The following NPHP3 variants were observed in gnomAD, a reference collection of about 807,000 sequenced individuals.
The protein encoded by NPHP3 is nephrocystin 3.
Under a neutral mutation model 171.9 loss-of-function variants are expected in NPHP3, and 123 were observed. The ratio of observed to expected loss-of-function variants is 0.72; its 90% CI spans 0.62 to 0.83. The LOEUF (loss-of-function observed/expected upper bound fraction) is 0.83, where lower values mean the gene tolerates loss of function less well. Among genes scored for constraint, NPHP3 ranks in the 40% least tolerant of loss-of-function variants. NPHP3 has a pLI of 0.00. For missense variants in NPHP3, 1,506 were observed against 1,591.9 expected, an observed-to-expected ratio of 0.95 and a Z score of 0.92; for synonymous variants, 558 against 579.2, an observed-to-expected ratio of 0.96 and a Z score of 0.52.
intron 13 of NPHP3, among the ~76,000 whole-genome samples, chr3:132,699,121 G>C (rs1939535996): frequency 6.6e-6 from 1 of 152,140 alleles, no homozygotes; most frequent in Non-Finnish European, 1.5e-5. Context: ...TCAAACTGCT[G>C]GCCTCAAGTG....
chr3:132,689,166 T>TC lies in NPHP3; in HGVS notation c.2790dup (p.Lys931GlufsTer14). 1 of 1,614,172 alleles carries TC rather than the reference T, an allele frequency of 6.2e-7. No individual in the cohort carries two copies. The highest frequency in any genetic ancestry group is 8.5e-7 in the Non-Finnish European group (1 of 1,179,998). On this transcript the variant is annotated frameshift_variant, in exon 20 of 27. Coordinates refer to ENST00000337331, the MANE Select transcript of NPHP3 (RefSeq NM_153240.5). LOFTEE classifies it high-confidence loss of function. Reference sequence around the variant, plus strand: ...ATGTTGTCCTCGCCTTCGCAGTTTTTCTCATACTGCTTCAATGAATCGAAG... The same window carrying TC: ...ATGTTGTCCTCGCCTTCGCAGTTTTTCCTCATACTGCTTCAATGAATCGAAG...
Position 132,722,388 on chromosome 3 carries a change from C to G in NPHP3, c.-33G>C. 1.9e-6 allele frequency: 3 copies of G among 1,563,886 alleles called. No homozygotes were observed. Among genetic ancestry groups the G allele is most frequent in the Non-Finnish European group, 2.6e-6 (3 of 1,165,056 alleles). On this transcript the variant is annotated 5_prime_UTR_variant, in exon 1 of 27. Transcript: ENST00000337331. ...GTTGCCGCTACTACCTAGTGAGTACCAGCAGGACTGGGCAGCGGAACGGAA... is the reference window on the plus strand; with the variant it reads ...GTTGCCGCTACTACCTAGTGAGTACGAGCAGGACTGGGCAGCGGAACGGAA...
At chr3:132,719,866 T>A in intron 1 of NPHP3, 36 bp from the exon 2 acceptor site, 2 of 1,472,086 alleles carry the variant, frequency 1.4e-6, no homozygotes, top group Non-Finnish European at 1.8e-6. Flanking sequence ...CTAACAAAAA[T>A]AGTCTTGCTC....
rs963979465 is a variant in NPHP3 at position 132,689,358 on chromosome 3, T to G, written c.2694-95A>C. The G allele has an allele frequency of 1.1e-5, 15 of 1,317,866 alleles. No homozygotes were observed. In the African/African-American group the frequency reaches 1.9e-4, roughly 17 times the overall value. 81.6% of individuals were successfully genotyped at this position (1,317,866 alleles called of 1,614,324 possible). On this transcript the variant is annotated intron_variant, in intron 19 of 26. Coordinates refer to ENST00000337331, the MANE Select transcript of NPHP3 (RefSeq NM_153240.5). ...GAATTAATATCAAGTTATTGACAAT[T>G]TATTAGTAGGCGAGTACTGTGTAAT...
intron 6 of NPHP3, 29 bp from the exon 7 acceptor site, chr3:132,708,286 T>A: frequency 6.2e-7 from 1 of 1,608,184 alleles, no homozygotes; most frequent in South Asian, 1.1e-5. Flanking sequence ...TTTTGTGTGC[T>A]ATACTGCATT....
chr3:132,682,579 C>A lies in NPHP3; in HGVS notation c.3812+124G>T, dbSNP rs1455867668. On this transcript the variant is annotated intron_variant, in intron 26 of 26. Coordinates refer to ENST00000337331, the MANE Select transcript of NPHP3 (RefSeq NM_153240.5). ...TACTTCAGTACTTCTTGAAGTCAGT[C>A]AGCAAAAAACAACCCCTCCCCACTC... The A allele has an allele frequency of 2.9e-5, 20 of 681,074 alleles. No individual in the cohort carries two copies. In the African/African-American group the frequency reaches 3.4e-4, roughly 12 times the overall value. The allele number at this position is 681,074 out of a possible 1,614,324, so 42.2% of individuals were successfully genotyped here. A position where few individuals can be genotyped will look rare whatever the true frequency, so the allele number is the denominator to read the frequency against.
At position 132,681,218 on chromosome 3, in the gene NPHP3, G is replaced by C. The variant is rs886057997; in HGVS notation, c.*692C>G. 6.6e-6 allele frequency: 1 copy of C among 151,602 alleles called. No homozygotes were observed. The highest frequency in any genetic ancestry group is 1.5e-5 in the Non-Finnish European group (1 of 68,180). 9.4% of individuals were successfully genotyped at this position (151,602 alleles called of 1,614,324 possible). ...GCTGAAAAGCAAGAGGAATGGCAAG[G>C]CTAAAGTAGCTCTTGAGAGCTCAAA... is the stretch of plus-strand genomic sequence containing the variant. On this transcript the variant is annotated 3_prime_UTR_variant, in exon 27 of 27. Coordinates refer to ENST00000337331, the MANE Select transcript of NPHP3 (RefSeq NM_153240.5).
chr3:132,691,655 T>C (rs1055144981), intron 17 of NPHP3, among the ~76,000 whole-genome samples: 1 of 152,200 alleles, frequency 6.6e-6, no homozygotes, highest in African/African-American at 2.4e-5. Flanking sequence ...TGATACAGCA[T>C]ACTCAAATGT....
chr3:132,718,974 T>C lies in NPHP3; in HGVS notation c.670+20A>G. 1 of 1,613,642 alleles carries C rather than the reference T, an allele frequency of 6.2e-7. No individual in the cohort carries two copies. The highest frequency in any genetic ancestry group is 8.5e-7 in the Non-Finnish European group (1 of 1,179,646). ...ACAGCCATGTTGAAAGCTCAAAATA[T>C]AAATAGGATATACACTTACCAGTGA... On this transcript the variant is annotated intron_variant, in intron 3 of 26. Transcript: ENST00000337331.
At position 132,705,685 on chromosome 3, in the gene NPHP3, T is replaced by C. The variant is rs1939728724; in HGVS notation, c.1350+55A>G. 35 of 968,058 alleles carry C rather than the reference T, an allele frequency of 3.6e-5. 2 individuals are homozygous for C. In the South Asian group the frequency reaches 4.4e-4, roughly 12 times the overall value. 60.0% of individuals were successfully genotyped at this position (968,058 alleles called of 1,614,324 possible). A position where few individuals can be genotyped will look rare whatever the true frequency, so the allele number is the denominator to read the frequency against. Reference sequence around the variant, plus strand: ...GTTTTCTCTGGAAAAATCAATTTCATAGAAAGTGATCTTAAAATATTTTAG... The same window carrying C: ...GTTTTCTCTGGAAAAATCAATTTCACAGAAAGTGATCTTAAAATATTTTAG... On this transcript the variant is annotated intron_variant, in intron 8 of 26. Coordinates refer to ENST00000337331, the MANE Select transcript of NPHP3 (RefSeq NM_153240.5).
chr3:132,685,564 A>G (rs1939133514), intron 23 of NPHP3: 1 of 152,244 alleles, frequency 6.6e-6, no homozygotes, highest in African/African-American at 2.4e-5. Flanking sequence ...AATACTTTTT[A>G]TAACATATAA....
intron 6 of NPHP3, among the ~76,000 whole-genome samples, chr3:132,709,898 T>C (rs1010223396): frequency 1.3e-5 from 2 of 152,204 alleles, no homozygotes; most frequent in Non-Finnish European, 2.9e-5. Context: ...CATCTGTCAG[T>C]GCTTTGTGGG....
At chr3:132,709,003 G>A (rs930233453) in intron 6 of NPHP3, among the ~76,000 whole-genome samples, 2 of 152,130 alleles carry the variant, frequency 1.3e-5, no homozygotes, top group Non-Finnish European at 2.9e-5. Flanking sequence ...CAGCCCCAAA[G>A]TTTTGAGAGT....
At chr3:132,716,721 C>A (rs755568588) in intron 4 of NPHP3, 36 bp downstream of exon 4, 7 of 1,604,926 alleles carry the variant, frequency 4.4e-6, no homozygotes, top group Non-Finnish European at 6.0e-6. Context: ...ACAGTCACTA[C>A]CACTAGGCAA....
chr3:132,682,567 C>T, intron 26 of NPHP3, 136 bp downstream of exon 26: 1 of 664,632 alleles, frequency 1.5e-6, no homozygotes, highest in East Asian at 2.7e-5. Context: ...TTCAGTACTT[C>T]TTGAAGTCAG....
intron 15 of NPHP3, among the ~76,000 whole-genome samples, chr3:132,696,166 C>T (rs941839672): frequency 1.7e-4 from 25 of 150,632 alleles, no homozygotes; most frequent in South Asian, 4.2e-4. Flanking sequence ...TAGAGTGATG[C>T]TATACTGAAG....
In NPHP3 at chr3:132,682,661, G is replaced by A. The variant is rs145708952; in HGVS notation, c.3812+42C>T. ...TGCTATTCTAAGACAAAGCTACTTC[G>A]AATAAAAGAGGCTGTATAAGGAAAG... is the stretch of plus-strand genomic sequence containing the variant. On this transcript the variant is annotated intron_variant, in intron 26 of 26. Transcript: ENST00000337331. The A allele has an allele frequency of 8.0e-3, 8,948 of 1,112,508 alleles. 51 individuals are homozygous for A. The highest frequency in any genetic ancestry group is 0.01 in the Non-Finnish European group (7,375 of 722,448). 68.9% of individuals were successfully genotyped at this position (1,112,508 alleles called of 1,614,324 possible).
intron 24 of NPHP3, 56 bp from the exon 25 acceptor site, chr3:132,683,580 C>T: frequency 1.4e-6 from 2 of 1,422,848 alleles, no homozygotes; most frequent in Non-Finnish European, 2.0e-6. Context: ...ACTATCTTAT[C>T]AGAGCTTTTT....
In NPHP3 at chr3:132,708,114, G is replaced by A. The variant is rs1939806338; in HGVS notation, c.1262C>T (p.Thr421Ile). 3 of 1,614,120 alleles carry A rather than the reference G, an allele frequency of 1.9e-6. No individual in the cohort carries two copies. Among genetic ancestry groups the A allele is most frequent in the Non-Finnish European group, 2.5e-6 (3 of 1,180,020 alleles). The change falls in exon 7 of 27, where the codon ACC (threonine) becomes ATC (isoleucine). Residue 421 changes from threonine (T) to isoleucine (I), a missense_variant. Thr to Ile is a moderately conservative substitution (Grantham distance 89). Coordinates refer to ENST00000337331, the MANE Select transcript of NPHP3 (RefSeq NM_153240.5). Reference protein sequence around the residue: ...LIDQVSNLNKTSKAKIIDHSG... With the variant: ...LIDQVSNLNKISKAKIIDHSG... Reference sequence around the variant, plus strand: ...TATGAATTTTACCTTGGCTTTGCTGGTCTTGTTTAGATTAGAAACTTGATC... The same window carrying A: ...TATGAATTTTACCTTGGCTTTGCTGATCTTGTTTAGATTAGAAACTTGATC...
Sources: gnomAD v4.1 joint callset for allele counts (sites outside exome capture counted in the v4.1 genomes callset) on GRCh38, gnomAD v4.1.1 for gene constraint, MANE v1.5 for transcripts, NCBI Gene and HGNC (gene_info 2026-07-23, HGNC 2026-07-21) for gene names.